Variants in KCNQ2 observed in about 807,000 individuals in gnomAD.
The protein encoded by KCNQ2 is potassium voltage-gated channel subfamily Q member 2.
KCNQ2 carries 14 observed loss-of-function variants against 84.8 expected under a neutral mutation model. The observed-to-expected ratio is 0.17, with a 90% CI of 0.11 to 0.26. The LOEUF is 0.26. Among genes scored for constraint, KCNQ2 ranks in the 10% least tolerant of loss-of-function variants. The probability of loss-of-function intolerance (pLI) is 1.00; values close to 1 mark genes in which losing one functional copy is unlikely to be tolerated. For synonymous variants in KCNQ2, 599 were observed against 554.1 expected (o/e 1.08, Z -1.14); for missense variants, 788 against 1,254.0 (o/e 0.63, Z 5.61).
In KCNQ2 at chr20:63,438,046, G is replaced by A. The variant is rs767816206; in HGVS notation, c.1023+579C>T. ...GCTGGTCTTGATTTCCTGACCTCGT[G>A]ATCCTCCCACCTCGGCCTCCCAAAG... is the stretch of plus-strand genomic sequence containing the variant. On this transcript the variant is annotated intron_variant, in intron 7 of 16. Transcript: ENST00000359125. The surrounding 1 kb of genome is among the most constrained non-coding windows in gnomAD (Gnocchi z 5.1). Among the ~76,000 whole-genome samples, 11 of 152,188 alleles carry A rather than the reference G, an allele frequency of 7.2e-5. No homozygotes were observed. Among genetic ancestry groups the A allele is most frequent in the Non-Finnish European group, 1.2e-4 (8 of 68,022 alleles).
At chr20:63,437,596 C>T (rs534793130) in intron 7 of KCNQ2, among the ~76,000 whole-genome samples, 57 of 152,326 alleles carry the variant, frequency 3.7e-4, no homozygotes, top group Non-Finnish European at 7.2e-4. Flanking sequence ...GTCAAATCTC[C>T]TTCTTATAAG....
At position 63,408,326 on chromosome 20, in the gene KCNQ2, C is replaced by A; in HGVS notation, c.1887+87G>T. On this transcript the variant is annotated intron_variant, in intron 16 of 16. Transcript: ENST00000359125. This position sits in a 1 kb window ranked among gnomAD's most constrained non-coding sequence, Gnocchi z 5.0. ...AGACTTGAGGAGCCCTCCGTGGCAC[C>A]CAGCCCCTGAAGCCCACACTGCCAC... 1 of 1,545,674 alleles carries A rather than the reference C, an allele frequency of 6.5e-7. No individual in the cohort carries two copies. The highest frequency in any genetic ancestry group is 8.8e-7 in the Non-Finnish European group (1 of 1,137,052).
At chr20:63,456,490 G>A (rs1325514763) in intron 1 of KCNQ2, among the ~76,000 whole-genome samples, 10 of 152,112 alleles carry the variant, frequency 6.6e-5, no homozygotes, top group Non-Finnish European at 1.5e-4. Flanking sequence ...AACGGAACAC[G>A]TGAAGGATGG....
Position 63,438,505 on chromosome 20 carries a change from G to C in KCNQ2, c.1023+120C>G, listed in dbSNP as rs2081068354. ...GCTCCTTCCACAGATTCCTGCAGAG[G>C]GTGAGCGCTGTGGCCCATCCACAGA... On this transcript the variant is annotated intron_variant, in intron 7 of 16. Coordinates refer to ENST00000359125, the MANE Select transcript of KCNQ2 (RefSeq NM_172107.4). This position sits in a 1 kb window ranked among gnomAD's most constrained non-coding sequence, Gnocchi z 5.1. 1 of 824,448 alleles carries C rather than the reference G, an allele frequency of 1.2e-6. No individual in the cohort carries two copies. Among genetic ancestry groups the C allele is most frequent in the Admixed American group, 1.8e-5 (1 of 55,386 alleles). 51.1% of individuals were successfully genotyped at this position (824,448 alleles called of 1,614,324 possible). A position where few individuals can be genotyped will look rare whatever the true frequency, so the allele number is the denominator to read the frequency against.
In KCNQ2 at chr20:63,413,239, C is replaced by G. The variant is rs756855813; in HGVS notation, c.1763+211G>C. On this transcript the variant is annotated intron_variant, in intron 15 of 16. Coordinates refer to ENST00000359125, the MANE Select transcript of KCNQ2 (RefSeq NM_172107.4). ...CACACAGGTGCACGCACTTGCCCAC[C>G]GCGGTGTGGATGGGGGAGAGATGGG... 6 of 602,876 alleles carry G rather than the reference C, an allele frequency of 1.0e-5. No homozygotes were observed. In the Admixed American group the frequency reaches 1.5e-4, roughly 15 times the overall value. The allele number at this position is 602,876 out of a possible 1,614,324, so 37.3% of individuals were successfully genotyped here. A position where few individuals can be genotyped will look rare whatever the true frequency, so the allele number is the denominator to read the frequency against.
intron 11 of KCNQ2, 125 bp downstream of exon 11, chr20:63,424,044 GCAGTCACA>G (rs2080554339): frequency 1.0e-6 from 1 of 988,052 alleles, no homozygotes; most frequent in Non-Finnish European, 1.6e-6. Context: ...GTCTGGACCC[GCAGTCACA>G]CAGTCACACA....
At chr20:63,424,529 A>G (rs2080571544) in intron 10 of KCNQ2, 2 of 373,252 alleles carry the variant, frequency 5.4e-6, no homozygotes. Context: ...CAATATTAAT[A>G]AAGTTCCAAA....
chr20:63,439,551 AC>A, intron 6 of KCNQ2, 46 bp downstream of exon 6: 1 of 1,445,228 alleles, frequency 6.9e-7, no homozygotes, highest in African/African-American at 1.4e-5. Flanking sequence ...TCGGGAGCCT[AC>A]AAGACCTCGT....
chr20:63,429,300 C>T (rs891402875), intron 9 of KCNQ2, among the ~76,000 whole-genome samples: 22 of 151,920 alleles, frequency 1.4e-4, no homozygotes, highest in Admixed American at 5.9e-4. Context: ...CCTGAACCCC[C>T]TCCACTCCGC....
intron 9 of KCNQ2, among the ~76,000 whole-genome samples, chr20:63,430,574 A>G (rs2080761697): frequency 6.6e-6 from 1 of 152,202 alleles, no homozygotes; most frequent in African/African-American, 2.4e-5. Context: ...GGGCAGTGTC[A>G]TCACAGAGCA....
intron 1 of KCNQ2, among the ~76,000 whole-genome samples, chr20:63,458,489 C>T (rs1327416012): frequency 6.6e-6 from 1 of 152,214 alleles, no homozygotes; most frequent in Non-Finnish European, 1.5e-5. Context: ...CCCAGAGCCG[C>T]CCCCTCATCC....
At chr20:63,428,837 G>A (rs1309075232) in intron 9 of KCNQ2, among the ~76,000 whole-genome samples, 1 of 152,134 alleles carries the variant, frequency 6.6e-6, no homozygotes. Flanking sequence ...TTAGGGCCCC[G>A]GCCCCTCTCT....
chr20:63,445,679 A>G, intron 2 of KCNQ2: 1 of 228,172 alleles, frequency 4.4e-6, no homozygotes, highest in South Asian at 2.9e-5. Flanking sequence ...GCCCTGTCTG[A>G]GCTAGGGGGT....
chr20:63,435,807 C>T (rs1321587018), intron 7 of KCNQ2, among the ~76,000 whole-genome samples: 1 of 152,198 alleles, frequency 6.6e-6, no homozygotes, highest in Non-Finnish European at 1.5e-5. Context: ...TGTTTCCAAG[C>T]AGCTTATGTG....
At chr20:63,453,050 G>T (rs1056849554) in intron 1 of KCNQ2, among the ~76,000 whole-genome samples, 1 of 152,206 alleles carries the variant, frequency 6.6e-6, no homozygotes, top group South Asian at 2.1e-4. Flanking sequence ...CCTGCCCCAC[G>T]CTGCACCCCT....
In KCNQ2 at chr20:63,462,437, A is replaced by T. The variant is rs2081982085; in HGVS notation, c.296+9731T>A. On this transcript the variant is annotated intron_variant, in intron 1 of 16. Transcript: ENST00000359125. Reference sequence around the variant, plus strand: ...AGGGAGCAGGGAGGAGGTGGCACCTACCCCAAGGAACAGGGCATCTGCCCC... The same window carrying T: ...AGGGAGCAGGGAGGAGGTGGCACCTTCCCCAAGGAACAGGGCATCTGCCCC... 2.6e-5 allele frequency among the ~76,000 whole-genome samples: 4 copies of T among 152,186 alleles called. No homozygotes were observed. In the South Asian group the frequency reaches 8.3e-4, roughly 32 times the overall value.
At position 63,472,606 on chromosome 20, in the gene KCNQ2, C is replaced by G. The variant is rs1797755756; in HGVS notation, c.-143G>C. The G allele has an allele frequency of 3.2e-6, 2 of 617,826 alleles. No homozygotes were observed. The highest frequency in any genetic ancestry group is 6.5e-5 in the East Asian group (1 of 15,500). The allele number at this position is 617,826 out of a possible 1,614,324, so 38.3% of individuals were successfully genotyped here. On this transcript the variant is annotated 5_prime_UTR_variant, in exon 1 of 17. Transcript: ENST00000359125. ...TTCCGCACTCCTGCCGGGCTTGGGCCGCGCGCGGAGACGCTGCGGCCACCT... is the reference window on the plus strand; with the variant it reads ...TTCCGCACTCCTGCCGGGCTTGGGCGGCGCGCGGAGACGCTGCGGCCACCT...
In KCNQ2 at chr20:63,419,166, G is replaced by A. The variant is rs539710796; in HGVS notation, c.1301+453C>T. Among the ~76,000 whole-genome samples the A allele has an allele frequency of 3.9e-5, 6 of 152,342 alleles. No homozygotes were observed. The South Asian group carries it at 1.2e-3, about 32-fold the overall frequency. ...GGGAGCCGCGGGCCTCTGGCTTTCTGGGGCTTCTGATGCATCAGGACCCTG... is the reference window on the plus strand; with the variant it reads ...GGGAGCCGCGGGCCTCTGGCTTTCTAGGGCTTCTGATGCATCAGGACCCTG... On this transcript the variant is annotated intron_variant, in intron 12 of 16. Coordinates refer to ENST00000359125, the MANE Select transcript of KCNQ2 (RefSeq NM_172107.4).
At chr20:63,433,749 G>A in intron 8 of KCNQ2, 60 bp downstream of exon 8, 3 of 1,613,092 alleles carry the variant, frequency 1.9e-6, no homozygotes, top group Middle Eastern at 3.3e-4. Flanking sequence ...TGGGGTTTAA[G>A]AACAAATGGA....
Sources: gnomAD v4.1 joint callset for allele counts (sites outside exome capture counted in the v4.1 genomes callset) on GRCh38, gnomAD v4.1.1 for gene constraint, Gnocchi (gnomAD v3.1) non-coding constraint, MANE v1.5 for transcripts, NCBI Gene and HGNC (gene_info 2026-07-23, HGNC 2026-07-21) for gene names.